Variants in ATP10A observed in about 807,000 individuals in gnomAD.
The protein encoded by ATP10A is phospholipid-transporting ATPase VA.
In ATP10A, 111 loss-of-function variants were observed where a neutral mutation model predicts 147.8. The observed-to-expected ratio is 0.75, with a 90% CI of 0.64 to 0.88. ATP10A has a LOEUF of 0.88. ATP10A is among the 40% of genes least tolerant of loss of function. The probability of loss-of-function intolerance (pLI) is 0.00; values close to 1 mark genes in which losing one functional copy is unlikely to be tolerated. For synonymous variants in ATP10A, 875 were observed against 841.6 expected (o/e 1.04, Z -0.69); for missense variants, 1,927 against 1,959.0 (o/e 0.98, Z 0.31).
intron 1 of ATP10A, among the ~76,000 whole-genome samples, chr15:25,843,498 C>A (rs969689164): frequency 2.0e-5 from 3 of 152,090 alleles, no homozygotes; most frequent in Admixed American, 6.5e-5. Flanking sequence ...AGACTTGGTG[C>A]AGAAAAGAGT....
At chr15:25,672,573 C>T (rs1385198580), downstream of ATP10A, among the ~76,000 whole-genome samples, 1 of 152,210 alleles carries the variant, frequency 6.6e-6, no homozygotes, top group Non-Finnish European at 1.5e-5. Flanking sequence ...TTGTTTCCCA[C>T]AGCAGCTGTG....
At chr15:25,721,268 T>G (rs1902204462) in intron 7 of ATP10A, among the ~76,000 whole-genome samples, 1 of 152,180 alleles carries the variant, frequency 6.6e-6, no homozygotes, top group South Asian at 2.1e-4. Flanking sequence ...AGTGCCCTTC[T>G]GAGGATTTTA....
In ATP10A at chr15:25,804,705, T is replaced by C. The variant is rs968655857; in HGVS notation, c.450-23482A>G. Among the ~76,000 whole-genome samples the C allele has an allele frequency of 2.6e-5, 4 of 152,168 alleles. No individual in the cohort carries two copies. The East Asian group carries it at 7.7e-4, about 29-fold the overall frequency. ...AGCTGAACCCAAGGCGTCTCATCTG[T>C]GAAATGCGGTAACGACAGTAGGCCA... On this transcript the variant is annotated intron_variant, in intron 1 of 20. Transcript: ENST00000555815.
intron 3 of ATP10A, among the ~76,000 whole-genome samples, chr15:25,732,596 C>G (rs1316612058): frequency 1.2e-5 from 1 of 80,374 alleles, no homozygotes; most frequent in Non-Finnish European, 2.5e-5. Context: ...CGCTCTGTCA[C>G]CCAGGCTGGA....
At chr15:25,838,340 T>C (rs964134410) in intron 1 of ATP10A, among the ~76,000 whole-genome samples, 11 of 152,174 alleles carry the variant, frequency 7.2e-5, no homozygotes, top group African/African-American at 2.4e-4. Context: ...GCTAGGTGTC[T>C]GCCCAACCCT....
chr15:25,732,558 C>CTTTTTTTTTTTTTTTTTTTTT lies in ATP10A; in HGVS notation c.740+3497_740+3498insAAAAAAAAAAAAAAAAAAAAA, dbSNP rs36120691. On this transcript the variant is annotated intron_variant, in intron 3 of 20. Transcript: ENST00000555815. ...GTGAGCATTTCACATGCGACACCTTCTTTTTTTTTTTTTTTGAGATGGAGT... is the reference window on the plus strand; with the variant it reads ...GTGAGCATTTCACATGCGACACCTTCTTTTTTTTTTTTTTTTTTTTTTTTTTTTTTTTTTTTGAGATGGAGT... Among the ~76,000 whole-genome samples, 2 of 84,142 alleles carry CTTTTTTTTTTTTTTTTTTTTT rather than the reference C, an allele frequency of 2.4e-5. 1 individual carries two copies. The highest frequency in any genetic ancestry group is 4.3e-5 in the Non-Finnish European group (2 of 46,892). The allele number at this position is 84,142 out of a possible 152,430, so 55.2% of individuals were successfully genotyped here. A position where few individuals can be genotyped will look rare whatever the true frequency, so the allele number is the denominator to read the frequency against.
At chr15:25,824,641 C>A (rs1376118402) in intron 1 of ATP10A, among the ~76,000 whole-genome samples, 2 of 150,276 alleles carry the variant, frequency 1.3e-5, no homozygotes, top group African/African-American at 4.9e-5. Context: ...GAGTGAAGGA[C>A]CTCCAAAAAT....
intron 1 of ATP10A, among the ~76,000 whole-genome samples, chr15:25,792,021 A>G (rs61991475): frequency 0.21 from 32,475 of 151,996 alleles, 3,895 homozygotes; most frequent in African/African-American, 0.32. Context: ...AAACATTTAA[A>G]TGGTCAAACC....
chr15:25,716,990 T>G, intron 8 of ATP10A, 66 bp from the exon 9 acceptor site: 1 of 1,298,948 alleles, frequency 7.7e-7, no homozygotes, highest in Non-Finnish European at 1.0e-6. Context: ...GGGGCGTGAC[T>G]ATTTAAGGTA....
At chr15:25,696,620 A>G (rs1382939879) in intron 13 of ATP10A, among the ~76,000 whole-genome samples, 1 of 152,184 alleles carries the variant, frequency 6.6e-6, no homozygotes, top group Non-Finnish European at 1.5e-5. Flanking sequence ...AGGACACTGA[A>G]TGGGTGGTGG....
intron 13 of ATP10A, 47 bp from the exon 14 acceptor site, chr15:25,695,193 AC>A: frequency 6.5e-7 from 1 of 1,534,534 alleles, no homozygotes; most frequent in Middle Eastern, 1.7e-4. Flanking sequence ...GAGTCATGCC[AC>A]AAACATCCCC....
intron 1 of ATP10A, chr15:25,861,727 GTGAGGCAGGAGGTAACGA>G (rs1181137682): frequency 6.5e-6 from 1 of 153,362 alleles, no homozygotes; most frequent in African/African-American, 2.4e-5. Context: ...GTCAAGCAAG[GTGAGGCAGGAGGTAACGA>G]TGGGCTGAGC....
chr15:25,744,010 G>C (rs971927364), intron 2 of ATP10A, among the ~76,000 whole-genome samples: 1 of 152,030 alleles, frequency 6.6e-6, no homozygotes. Flanking sequence ...TCTTTCGGGG[G>C]ACCACTATTC....
At chr15:25,711,643 A>G (rs1389088516) in intron 10 of ATP10A, among the ~76,000 whole-genome samples, 1 of 152,184 alleles carries the variant, frequency 6.6e-6, no homozygotes, top group Non-Finnish European at 1.5e-5. Flanking sequence ...GCCCTTGATT[A>G]ACTTTTCCTA....
At position 25,834,886 on chromosome 15, in the gene ATP10A, A is replaced by G. The variant is rs965069067; in HGVS notation, c.449+27762T>C. Among the ~76,000 whole-genome samples the G allele has an allele frequency of 9.2e-5, 14 of 152,328 alleles. 1 individual carries two copies. Among genetic ancestry groups the G allele is most frequent in the Non-Finnish European group, 1.5e-5 (1 of 68,038 alleles). On this transcript the variant is annotated intron_variant, in intron 1 of 20. Coordinates refer to ENST00000555815, the MANE Select transcript of ATP10A (RefSeq NM_024490.4). ...AAGGACCATGTATTACACATGATCCATTTTTGTGAAATGCGCAGACTAGGT... is the reference window on the plus strand; with the variant it reads ...AAGGACCATGTATTACACATGATCCGTTTTTGTGAAATGCGCAGACTAGGT...
At chr15:25,794,493 A>C (rs1278189397) in intron 1 of ATP10A, among the ~76,000 whole-genome samples, 1 of 152,212 alleles carries the variant, frequency 6.6e-6, no homozygotes, top group Non-Finnish European at 1.5e-5. Flanking sequence ...TTAAGCAAAC[A>C]AACACTGCCC....
chr15:25,696,546 C>A (rs75896789), intron 13 of ATP10A, among the ~76,000 whole-genome samples: 2,062 of 152,310 alleles, frequency 0.014, 45 homozygotes, highest in African/African-American at 0.047. Context: ...CGCATAGGCT[C>A]ATTACTGCAG....
At chr15:25,797,865 C>G (rs1351706848) in intron 1 of ATP10A, among the ~76,000 whole-genome samples, 1 of 152,178 alleles carries the variant, frequency 6.6e-6, no homozygotes, top group Non-Finnish European at 1.5e-5. Context: ...TCACCCTGGG[C>G]TGGCTCCTCG....
chr15:25,823,365 AAG>A (rs770416985), intron 1 of ATP10A, among the ~76,000 whole-genome samples: 1 of 152,232 alleles, frequency 6.6e-6, no homozygotes, highest in Non-Finnish European at 1.5e-5. Flanking sequence ...ATGTTTTCAG[AAG>A]AGTTATATTA....
Sources: gnomAD v4.1 joint callset for allele counts (sites outside exome capture counted in the v4.1 genomes callset) on GRCh38, gnomAD v4.1.1 for gene constraint, MANE v1.5 for transcripts, NCBI Gene and HGNC (gene_info 2026-07-23, HGNC 2026-07-21) for gene names.